The following INAVA variants were observed in gnomAD, a reference collection of about 807,000 sequenced individuals.
INAVA encodes innate immunity activator protein.
INAVA carries 32 observed loss-of-function variants against 55.3 expected under a neutral mutation model. The observed-to-expected ratio is 0.58, with a 90% CI of 0.44 to 0.78. The LOEUF (loss-of-function observed/expected upper bound fraction) is 0.78. Ranked by LOEUF, INAVA falls within the 30% of genes least tolerant of loss-of-function variation. The pLI, the probability that INAVA is intolerant of heterozygous loss-of-function variation, is 0.00. For synonymous variants in INAVA, 294 were observed against 329.4 expected, an observed-to-expected ratio of 0.89 and a Z score of 1.16; for missense variants, 756 against 786.4, an observed-to-expected ratio of 0.96 and a Z score of 0.46.
At chr1:200,897,911 C>A (rs975957028) in intron 1 of INAVA, among the ~76,000 whole-genome samples, 1 of 152,164 alleles carries the variant, frequency 6.6e-6, no homozygotes, top group Non-Finnish European at 1.5e-5. Flanking sequence ...CGTGAGCCAC[C>A]ATGCTGGGCT....
At chr1:200,912,237 G>C in intron 9 of INAVA, 100 bp downstream of exon 9, 2 of 1,124,858 alleles carry the variant, frequency 1.8e-6, no homozygotes, top group Non-Finnish European at 2.5e-6. Flanking sequence ...AGGCATCAAA[G>C]CAGCAACCTA....
At position 200,913,919 on chromosome 1, in the gene INAVA, T is replaced by C; in HGVS notation, c.*290T>C. ...CTGACTGACAGCCTCTATCTCCTTA[T>C]ATAAGACAAGTGGCAGGGGACGAGT... On this transcript the variant is annotated 3_prime_UTR_variant, in exon 10 of 10. Coordinates refer to ENST00000413687, the MANE Select transcript of INAVA (RefSeq NM_001142569.3). 3 of 369,258 alleles carry C rather than the reference T, an allele frequency of 8.1e-6. No homozygotes were observed. Among genetic ancestry groups the C allele is most frequent in the Non-Finnish European group, 1.5e-5 (3 of 203,614 alleles). 22.9% of individuals were successfully genotyped at this position (369,258 alleles called of 1,614,324 possible).
chr1:200,906,244 T>C (rs576905), intron 5 of INAVA: 151,803 of 152,370 alleles, frequency 1, 75,622 homozygotes, highest in Middle Eastern at 1. Flanking sequence ...CCTGGCCGGG[T>C]GTGGTGGCTC....
intron 2 of INAVA, among the ~76,000 whole-genome samples, chr1:200,898,858 A>T (rs1439118408): frequency 6.6e-6 from 1 of 151,950 alleles, no homozygotes; most frequent in African/African-American, 2.4e-5. Flanking sequence ...GCTACCACAT[A>T]GTCCCAGCTA....
chr1:200,904,039 T>G (rs996496800), intron 5 of INAVA, among the ~76,000 whole-genome samples: 3 of 151,726 alleles, frequency 2.0e-5, no homozygotes, highest in Non-Finnish European at 4.4e-5. Flanking sequence ...ATAGGCACTC[T>G]GGATGCATCT....
rs538704599 is a variant in INAVA, at chr1:200,905,303, T to C, written c.521-2531T>C. On this transcript the variant is annotated intron_variant, in intron 5 of 9. Coordinates refer to ENST00000413687, the MANE Select transcript of INAVA (RefSeq NM_001142569.3). Reference sequence around the variant, plus strand: ...GCTCAAGCTTGTAATCCCAGCACTTTGGGAGGCCAAGGCAGGAGGATCTCT... The same window carrying C: ...GCTCAAGCTTGTAATCCCAGCACTTCGGGAGGCCAAGGCAGGAGGATCTCT... Among the ~76,000 whole-genome samples, 102 of 152,278 alleles carry C rather than the reference T, an allele frequency of 6.7e-4. 1 individual carries two copies. The highest frequency in any genetic ancestry group is 1.6e-3 in the Admixed American group (25 of 15,298).
chr1:200,910,722 C>T (rs1653675307), intron 8 of INAVA, among the ~76,000 whole-genome samples: 2 of 152,224 alleles, frequency 1.3e-5, no homozygotes, highest in Non-Finnish European at 1.5e-5. Flanking sequence ...GCTAGGATTA[C>T]AGGCGTCCGC....
rs55705717 is a variant in INAVA at position 200,913,979 on chromosome 1, GCT to G, written c.*353_*354del. On this transcript the variant is annotated 3_prime_UTR_variant, in exon 10 of 10. Transcript: ENST00000413687. ...TGAGCCACCTTGGGAGTTCTCCAAC[GCT>G]CTGTGCTCTGGTTCTAAGAAATTCC... 20,759 of 225,556 alleles carry G rather than the reference GCT, an allele frequency of 0.092. 1,163 individuals carry two copies. The highest frequency in any genetic ancestry group is 0.12 in the Non-Finnish European group (13,152 of 113,460). The allele number at this position is 225,556 out of a possible 1,614,324, so 14.0% of individuals were successfully genotyped here.
At chr1:200,894,821 A>T, upstream of INAVA, 1 of 985,422 alleles carries the variant, frequency 1.0e-6, no homozygotes, top group Non-Finnish European at 1.2e-6. Flanking sequence ...GTTGCACGGG[A>T]TTAGTTCAGG....
At chr1:200,898,612 G>A (rs1653068563) in intron 2 of INAVA, among the ~76,000 whole-genome samples, 157 bp downstream of exon 2, 1 of 152,210 alleles carries the variant, frequency 6.6e-6, no homozygotes, top group African/African-American at 2.4e-5. Flanking sequence ...TCTGCTGGGA[G>A]GAGGGGGAGG....
At chr1:200,892,995 C>T (rs980001707), upstream of INAVA, among the ~76,000 whole-genome samples, 1 of 152,174 alleles carries the variant, frequency 6.6e-6, no homozygotes, top group African/African-American at 2.4e-5. Context: ...GGTTCATTGG[C>T]ATTAGGCATC....
chr1:200,898,478 C>T (rs1454656911), intron 2 of INAVA, 23 bp downstream of exon 2: 2 of 1,611,880 alleles, frequency 1.2e-6, no homozygotes, highest in South Asian at 1.1e-5. Flanking sequence ...GGAAATCCCC[C>T]TGCCCTAGTC....
chr1:200,896,331 G>T (rs1036650758), intron 1 of INAVA, among the ~76,000 whole-genome samples: 6 of 151,698 alleles, frequency 4.0e-5, no homozygotes, highest in Non-Finnish European at 7.4e-5. Flanking sequence ...CTTGGCTTCT[G>T]GGGAGGGTGG....
chr1:200,910,666 C>T (rs957470696), intron 8 of INAVA, among the ~76,000 whole-genome samples: 1 of 152,260 alleles, frequency 6.6e-6, no homozygotes, highest in African/African-American at 2.4e-5. Flanking sequence ...ACTGCAACCT[C>T]CGCCTCTCAG....
At chr1:200,905,171 C>T (rs1174649524) in intron 5 of INAVA, among the ~76,000 whole-genome samples, 1 of 152,212 alleles carries the variant, frequency 6.6e-6, no homozygotes, top group African/African-American at 2.4e-5. Flanking sequence ...GGCTGGCTGG[C>T]TACTCAGGAG....
At chr1:200,898,034 C>T (rs951209058) in intron 1 of INAVA, among the ~76,000 whole-genome samples, 1 of 152,162 alleles carries the variant, frequency 6.6e-6, no homozygotes, top group Non-Finnish European at 1.5e-5. Flanking sequence ...CTTGTGGCTA[C>T]CACAGCTGTC....
intron 5 of INAVA, among the ~76,000 whole-genome samples, chr1:200,907,476 C>A (rs1653539598): frequency 6.6e-6 from 1 of 151,980 alleles, no homozygotes; most frequent in African/African-American, 2.4e-5. Context: ...GGCAAGACAG[C>A]AAGACCTCTT....
chr1:200,893,719 T>C (rs1668279903), upstream of INAVA, among the ~76,000 whole-genome samples: 1 of 152,076 alleles, frequency 6.6e-6, no homozygotes, highest in South Asian at 2.1e-4. Context: ...TGTACAGGAA[T>C]GTGAAGGTGT....
At chr1:200,913,515 C>T (rs759242819) in intron 9 of INAVA, 22 bp from the exon 10 acceptor site, 1 of 1,608,044 alleles carries the variant, frequency 6.2e-7, no homozygotes, top group Non-Finnish European at 8.5e-7. Flanking sequence ...ACCCACCTGT[C>T]CTTTCTTCCT....
Sources: allele counts gnomAD v4.1 joint callset (sites outside exome capture counted in the v4.1 genomes callset), GRCh38; gene constraint gnomAD v4.1.1; transcripts MANE v1.5; gene names NCBI Gene and HGNC (gene_info 2026-07-23, HGNC 2026-07-21).